Variants in ARHGAP21 observed in about 807,000 individuals in gnomAD.
The protein encoded by ARHGAP21 is Rho GTPase activating protein 21.
ARHGAP21 carries 38 observed loss-of-function variants against 164.6 expected under a neutral mutation model. That is an observed-to-expected ratio of 0.23 (90% CI 0.18 to 0.30). The LOEUF (loss-of-function observed/expected upper bound fraction) is 0.30, where lower values mean the gene tolerates loss of function less well. Among genes scored for constraint, ARHGAP21 ranks in the 10% least tolerant of loss-of-function variants. The pLI, the probability that ARHGAP21 is intolerant of heterozygous loss-of-function variation, is 1.00. For missense variants in ARHGAP21, 1,822 were observed against 2,370.7 expected, an observed-to-expected ratio of 0.77 and a Z score of 4.81; for synonymous variants, 766 against 857.9, an observed-to-expected ratio of 0.89 and a Z score of 1.87.
chr10:24,595,247 C>G, intron 19 of ARHGAP21, 57 bp from the exon 20 acceptor site: 1 of 1,391,274 alleles, frequency 7.2e-7, no homozygotes, highest in Non-Finnish European at 1.0e-6. Flanking sequence ...GAATTGTAAT[C>G]TAGTTTCCCT....
chr10:24,721,703 G>A (rs1487624392), intron 2 of ARHGAP21, 134 bp downstream of exon 2: 4 of 948,638 alleles, frequency 4.2e-6, no homozygotes, highest in Non-Finnish European at 6.6e-6. Context: ...GGTTAAGCTG[G>A]GGCGCTCCCG....
At position 24,596,742 on chromosome 10, in the gene ARHGAP21, G is replaced by C; in HGVS notation, c.3475C>G (p.Arg1159Gly). 6.2e-7 allele frequency: 1 copy of C among 1,613,338 alleles called. No individual in the cohort carries two copies. The highest frequency in any genetic ancestry group is 8.5e-7 in the Non-Finnish European group (1 of 1,179,776). ...LDDCPPAHTNRYIPLIVDICC... is the reference protein window; with the variant it reads ...LDDCPPAHTNGYIPLIVDICC... ...TCCGGTGGGCTGGTGTCTCCTACCC[G>C]ATTAGTATGAGCTGGTGGGCAGTCA... Residue 1159 changes from arginine (R) to glycine (G), a missense_variant and splice_region_variant, in exon 17 of 26, where the codon CGG becomes GGG. This residue lies in a region of ARHGAP21 where 117 missense variants were observed against 238.1 expected (regional missense o/e 0.49). Coordinates refer to ENST00000396432, the MANE Select transcript of ARHGAP21 (RefSeq NM_020824.4).
intron 2 of ARHGAP21, 110 bp downstream of exon 2, chr10:24,721,727 A>T: frequency 7.8e-7 from 1 of 1,283,104 alleles, no homozygotes. Flanking sequence ...ACAGGCTCAA[A>T]GCCCCGGGAA....
chr10:24,589,231 T>A (rs767554029), intron 25 of ARHGAP21, 40 bp downstream of exon 25: 4 of 1,556,784 alleles, frequency 2.6e-6, no homozygotes, highest in East Asian at 2.3e-5. Flanking sequence ...CGAAAAACAA[T>A]TCCCCCCTAA....
chr10:24,655,823 G>C (rs1381409312), intron 4 of ARHGAP21, among the ~76,000 whole-genome samples: 1 of 136,310 alleles, frequency 7.3e-6, no homozygotes, highest in African/African-American at 2.8e-5. Context: ...GTCTCTGCCC[G>C]GCCGCCCATC....
At chr10:24,619,344 TGAGATTCACTA>T in intron 9 of ARHGAP21, 118 bp downstream of exon 9, 1 of 908,342 alleles carries the variant, frequency 1.1e-6, no homozygotes, top group Admixed American at 2.9e-5. Context: ...GCACAGCTTA[TGAGATTCACTA>T]GAAACATTTT....
intron 21 of ARHGAP21, 26 bp downstream of exon 21, chr10:24,594,924 A>C (rs2076514819): frequency 6.4e-7 from 1 of 1,553,702 alleles, no homozygotes; most frequent in African/African-American, 1.4e-5. Context: ...CTAAAAGTAC[A>C]TTTCTTCAAT....
At chr10:24,664,567 T>TAAG (rs1840013950) in intron 4 of ARHGAP21, among the ~76,000 whole-genome samples, 1 of 142,264 alleles carries the variant, frequency 7.0e-6, no homozygotes, top group South Asian at 2.2e-4. Context: ...AAAAAAAAAA[T>TAAG]AATAATAATA....
At chr10:24,695,585 T>C (rs113097968) in intron 2 of ARHGAP21, among the ~76,000 whole-genome samples, 2,076 of 149,562 alleles carry the variant, frequency 0.014, 39 homozygotes, top group African/African-American at 0.041. Context: ...AAAAAAAGAA[T>C]AGAATTTAGC....
At chr10:24,690,714 G>C (rs1421705724) in intron 2 of ARHGAP21, among the ~76,000 whole-genome samples, 1 of 151,866 alleles carries the variant, frequency 6.6e-6, no homozygotes, top group African/African-American at 2.4e-5. Flanking sequence ...TGTAGTTCCA[G>C]CTACTCAGGA....
At chr10:24,637,082 A>G (rs535359436) in intron 4 of ARHGAP21, among the ~76,000 whole-genome samples, 9 of 152,306 alleles carry the variant, frequency 5.9e-5, no homozygotes, top group African/African-American at 2.2e-4. Flanking sequence ...CATTTGAGTG[A>G]AGAGGAAAAA....
chr10:24,644,620 T>G (rs1837379946), intron 4 of ARHGAP21, among the ~76,000 whole-genome samples: 1 of 152,152 alleles, frequency 6.6e-6, no homozygotes, highest in Non-Finnish European at 1.5e-5. Context: ...CCTAATGAAT[T>G]CTCTAAGACA....
Position 24,628,790 on chromosome 10 carries a change from T to C in ARHGAP21, c.495+1206A>G, listed in dbSNP as rs12266133. ...GTGTGTGCATATATATATACACACA[T>C]ATATACACATATATACATATATATA... On this transcript the variant is annotated intron_variant, in intron 7 of 25. Coordinates refer to ENST00000396432, the MANE Select transcript of ARHGAP21 (RefSeq NM_020824.4). 1.7e-4 allele frequency among the ~76,000 whole-genome samples: 19 copies of C among 109,170 alleles called. 1 individual carries two copies. The highest frequency in any genetic ancestry group is 3.4e-4 in the Non-Finnish European group (17 of 50,678). The allele number at this position is 109,170 out of a possible 152,430, so 71.6% of individuals were successfully genotyped here.
chr10:24,712,353 A>G (rs1288920133), intron 2 of ARHGAP21, among the ~76,000 whole-genome samples: 1 of 152,184 alleles, frequency 6.6e-6, no homozygotes, highest in Admixed American at 6.5e-5. Context: ...CACAAAATAG[A>G]TATGATCTAT....
Position 24,620,193 on chromosome 10 carries a change from C to T in ARHGAP21, c.1702G>A (p.Asp568Asn). 3 of 1,613,940 alleles carry T rather than the reference C, an allele frequency of 1.9e-6. No individual in the cohort carries two copies. The Admixed American group carries it at 5.0e-5, about 27-fold the overall frequency. The stretch of plus-strand genomic sequence containing the variant: ...CCTCTACCACTCATTCGCCTGTTAT[C>T]AGAATTAACAACGCTTGGAGCCACA... The part of the protein sequence containing the change: ...FTVAPSVVNS[D>N]NRRMSGRGVG... Residue 568 changes from aspartate (D) to asparagine (N), a missense_variant, in exon 9 of 26, where the codon GAT becomes AAT. Transcript: ENST00000396432.
At chr10:24,723,364 C>T (rs1174874267) in intron 1 of ARHGAP21, 198 bp downstream of exon 1, 1 of 149,324 alleles carries the variant, frequency 6.7e-6, no homozygotes, top group Non-Finnish European at 1.5e-5. Context: ...GCCCCGCCGC[C>T]CGCCCTTGCT....
intron 12 of ARHGAP21, 47 bp downstream of exon 12, chr10:24,604,265 T>C: frequency 7.4e-7 from 1 of 1,344,080 alleles, no homozygotes; most frequent in Non-Finnish European, 1.0e-6. Context: ...GAAGTACTTC[T>C]CTATGAAGAG....
intron 7 of ARHGAP21, 166 bp downstream of exon 7, chr10:24,629,830 G>A: frequency 4.4e-6 from 3 of 682,094 alleles, no homozygotes; most frequent in Non-Finnish European, 8.2e-6. Context: ...ACTTGGCAAT[G>A]GTATTTTTGT....
intron 21 of ARHGAP21, among the ~76,000 whole-genome samples, chr10:24,594,299 T>C (rs1197970569): frequency 1.3e-5 from 2 of 152,044 alleles, no homozygotes; most frequent in Non-Finnish European, 2.9e-5. Context: ...GTAGACCTTG[T>C]TTGGATATTG....
Sources: gnomAD v4.1 joint callset for allele counts (sites outside exome capture counted in the v4.1 genomes callset) on GRCh38, gnomAD v4.1.1 for gene constraint, gnomAD v4.1.1 regional missense constraint, MANE v1.5 for transcripts, NCBI Gene and HGNC (gene_info 2026-07-23, HGNC 2026-07-21) for gene names.